The following IFT81 variants were observed in gnomAD, a reference collection of about 807,000 sequenced individuals.
IFT81 encodes the protein intraflagellar transport 81, also known as intraflagellar transport protein 81 homolog.
In IFT81, 72 loss-of-function variants were observed where a neutral mutation model predicts 102.6. The observed-to-expected ratio is 0.70, with a 90% CI of 0.58 to 0.85. The LOEUF (loss-of-function observed/expected upper bound fraction) is 0.85, where lower values mean the gene tolerates loss of function less well. Ranked by LOEUF, IFT81 falls within the 40% of genes least tolerant of loss-of-function variation. IFT81 has a pLI of 0.00. For missense variants in IFT81, 723 were observed against 787.3 expected, an observed-to-expected ratio of 0.92 and a Z score of 0.98; for synonymous variants, 237 against 242.7, an observed-to-expected ratio of 0.98 and a Z score of 0.22.
intron 3 of IFT81, 116 bp downstream of exon 3, chr12:110,128,265 A>T: frequency 1.6e-6 from 1 of 644,568 alleles, no homozygotes; most frequent in African/African-American, 1.8e-5. Flanking sequence ...ATGGCCTGAG[A>T]ACATCACTGA....
intron 18 of IFT81, among the ~76,000 whole-genome samples, chr12:110,211,787 A>G (rs1189486253): frequency 1.3e-5 from 2 of 152,126 alleles, no homozygotes; most frequent in Admixed American, 6.6e-5. Context: ...GATTACAGGC[A>G]CAAGCCACTG....
At chr12:110,202,433 C>A (rs1898334853) in intron 14 of IFT81, among the ~76,000 whole-genome samples, 5 of 151,774 alleles carry the variant, frequency 3.3e-5, no homozygotes, top group Admixed American at 2.6e-4. Flanking sequence ...AACTGCTTAA[C>A]CTGAATTCAA....
At chr12:110,134,011 T>A (rs1163901847) in intron 5 of IFT81, among the ~76,000 whole-genome samples, 6 of 152,182 alleles carry the variant, frequency 3.9e-5, no homozygotes, top group African/African-American at 1.4e-4. Flanking sequence ...TTTAAGATTT[T>A]TTTTTTTGAG....
chr12:110,174,982 G>A (rs1196491365), intron 11 of IFT81, among the ~76,000 whole-genome samples: 6 of 152,094 alleles, frequency 3.9e-5, no homozygotes, highest in Non-Finnish European at 8.8e-5. Context: ...AAACCATAAA[G>A]TATTAATCTT....
In IFT81 at chr12:110,125,098, A is replaced by T. The variant is rs564698336; in HGVS notation, c.-22+237A>T. ...TTTATCCAGATTTTTTTTTAAGGGAAAAAAGAGTAGACCTATAGATAATTT... is the reference window on the plus strand; with the variant it reads ...TTTATCCAGATTTTTTTTTAAGGGATAAAAGAGTAGACCTATAGATAATTT... On this transcript the variant is annotated intron_variant, in intron 1 of 18. Transcript: ENST00000242591. Among the ~76,000 whole-genome samples the T allele has an allele frequency of 1.1e-4, 17 of 152,278 alleles. No homozygotes were observed. The Middle Eastern group carries it at 0.017, about 152-fold the overall frequency.
At chr12:110,156,555 G>A (rs1485180034) in intron 10 of IFT81, among the ~76,000 whole-genome samples, 1 of 151,558 alleles carries the variant, frequency 6.6e-6, no homozygotes, top group Admixed American at 6.6e-5. Context: ...GGAATGCAGT[G>A]GCATGATCTC....
At chr12:110,159,001 T>C (rs554316930) in intron 10 of IFT81, among the ~76,000 whole-genome samples, 2 of 152,158 alleles carry the variant, frequency 1.3e-5, no homozygotes, top group African/African-American at 4.8e-5. Context: ...GGATTACAAG[T>C]GTGAGCCACT....
At chr12:110,200,456 T>C (rs560890636) in intron 14 of IFT81, among the ~76,000 whole-genome samples, 1 of 152,254 alleles carries the variant, frequency 6.6e-6, no homozygotes, top group South Asian at 2.1e-4. Context: ...TAAAATGGTA[T>C]GCTTTATAGG....
intron 8 of IFT81, among the ~76,000 whole-genome samples, chr12:110,140,492 A>G (rs1221487349): frequency 6.6e-6 from 1 of 152,186 alleles, no homozygotes; most frequent in Non-Finnish European, 1.5e-5. Context: ...TGCTAGAATT[A>G]GAAACTTTTT....
intron 4 of IFT81, among the ~76,000 whole-genome samples, chr12:110,131,318 T>C (rs943754422): frequency 1.3e-5 from 2 of 151,996 alleles, no homozygotes; most frequent in Non-Finnish European, 2.9e-5. Context: ...AAAAAATTTT[T>C]AGGTAACAGG....
rs376634782 is a variant in IFT81 at position 110,200,907 on chromosome 12, G to A, written c.1558-2957G>A. ...GGAGGTTGCGGTGAGCCGAGATCCC[G>A]CCACTGCACTCCAGCCTGGGCGACA... On this transcript the variant is annotated intron_variant, in intron 14 of 18. Coordinates refer to ENST00000242591, the MANE Select transcript of IFT81 (RefSeq NM_014055.4). Among the ~76,000 whole-genome samples the A allele has an allele frequency of 4.2e-4, 63 of 150,336 alleles. 1 individual carries two copies. The South Asian group carries it at 0.011, about 25-fold the overall frequency.
At chr12:110,171,382 G>A (rs2137474439) in intron 11 of IFT81, among the ~76,000 whole-genome samples, 1 of 152,016 alleles carries the variant, frequency 6.6e-6, no homozygotes, top group Admixed American at 6.5e-5. Context: ...GACCTTGGAT[G>A]GTGTGATTAA....
At position 110,129,255 on chromosome 12, in the gene IFT81, G is replaced by C. The variant is rs1477022507; in HGVS notation, c.429+125G>C. On this transcript the variant is annotated intron_variant, in intron 4 of 18. Transcript: ENST00000242591. ...CCAAGTGGCACAAGAAGATAAAACT[G>C]TATCAGCTAATGTTCAACTATGGCC... The C allele has an allele frequency of 1.1e-5, 7 of 659,228 alleles. No homozygotes were observed. In the East Asian group the frequency reaches 2.0e-4, roughly 18 times the overall value. The allele number at this position is 659,228 out of a possible 1,614,324, so 40.8% of individuals were successfully genotyped here.
chr12:110,137,411 G>A (rs1309380373), intron 8 of IFT81, among the ~76,000 whole-genome samples: 1 of 152,028 alleles, frequency 6.6e-6, no homozygotes, highest in Non-Finnish European at 1.5e-5. Flanking sequence ...CAACTGTGGA[G>A]GGAGGCTGTC....
chr12:110,190,598 C>G (rs1330042581), intron 12 of IFT81, among the ~76,000 whole-genome samples: 1 of 151,974 alleles, frequency 6.6e-6, no homozygotes, highest in Non-Finnish European at 1.5e-5. Flanking sequence ...GATGAGTGAA[C>G]ATATCATTTG....
At chr12:110,133,491 G>A (rs1019470262) in intron 5 of IFT81, among the ~76,000 whole-genome samples, 6 of 148,948 alleles carry the variant, frequency 4.0e-5, no homozygotes, top group Admixed American at 6.6e-5. Context: ...AGCCAGGCAT[G>A]GTGGTGCACG....
In IFT81 at chr12:110,174,296, A is replaced by T. The variant is rs538855601; in HGVS notation, c.1189-6126A>T. On this transcript the variant is annotated intron_variant, in intron 11 of 18. Transcript: ENST00000242591. The stretch of plus-strand genomic sequence containing the variant: ...CCGTCTCAAAAAAAAAAAAAAAAAA[A>T]AAAAAAAAAAATTAGCCGGGTGTGG... Among the ~76,000 whole-genome samples, 1,449 of 148,820 alleles carry T rather than the reference A, an allele frequency of 9.7e-3. 21 individuals are homozygous for T. The highest frequency in any genetic ancestry group is 0.025 in the African/African-American group (989 of 40,310).
intron 17 of IFT81, among the ~76,000 whole-genome samples, chr12:110,206,697 C>A (rs1318710613): frequency 1.3e-5 from 2 of 149,040 alleles, no homozygotes; most frequent in East Asian, 2.0e-4. Flanking sequence ...AAAAAAAAAT[C>A]TAAGAAATAG....
At chr12:110,168,922 G>C (rs1370260583) in intron 11 of IFT81, 1 of 152,128 alleles carries the variant, frequency 6.6e-6, no homozygotes, top group Non-Finnish European at 1.5e-5. Flanking sequence ...GCCATTCACT[G>C]ATAAGAATGG....
Sources: allele counts gnomAD v4.1 joint callset (sites outside exome capture counted in the v4.1 genomes callset), GRCh38; gene constraint gnomAD v4.1.1; transcripts MANE v1.5; gene names NCBI Gene and HGNC (gene_info 2026-07-23, HGNC 2026-07-21).